The following ZNF324B variants were observed in gnomAD, a reference collection of about 807,000 sequenced individuals.
ZNF324B encodes zinc finger protein 324B.
Under a neutral mutation model 10.6 loss-of-function variants are expected in ZNF324B, and 7 were observed. That is an observed-to-expected ratio of 0.66 (90% CI 0.38 to 1.24). The LOEUF is 1.24. Among genes scored for constraint, ZNF324B ranks in the 50% most tolerant of loss-of-function variants. The probability of loss-of-function intolerance (pLI) is 0.02; values close to 1 mark genes in which losing one functional copy is unlikely to be tolerated. For synonymous variants in ZNF324B, 316 were observed against 321.0 expected, an observed-to-expected ratio of 0.98 and a Z score of 0.17; for missense variants, 640 against 764.7, an observed-to-expected ratio of 0.84 and a Z score of 1.92.
chr19:58,429,165 C>T, the ZNF324B span: 7 of 152,380 alleles, frequency 4.6e-5, no homozygotes, highest in East Asian at 3.9e-4. Flanking sequence ...GTTTGAGACA[C>T]TCAGTGCCCC....
chr19:58,422,198 T>C, the ZNF324B span, among the ~76,000 whole-genome samples: 1 of 152,182 alleles, frequency 6.6e-6, no homozygotes, highest in Non-Finnish European at 1.5e-5. Flanking sequence ...ATTACAGGCA[T>C]GAGCAGTTGA....
chr19:58,420,569 A>ATT, the ZNF324B span, among the ~76,000 whole-genome samples: 2 of 145,892 alleles, frequency 1.4e-5, no homozygotes, highest in Admixed American at 6.9e-5. Flanking sequence ...ATCTCTTTAA[A>ATT]TTTTTTTTTT....
chr19:58,450,184 G>C (rs77237478), upstream of ZNF324B, among the ~76,000 whole-genome samples: 1 of 152,034 alleles, frequency 6.6e-6, no homozygotes. Flanking sequence ...CATGTAAGAC[G>C]TGCCTTTCAC....
At position 58,456,195 on chromosome 19, in the gene ZNF324B, C is replaced by G. The variant is rs772569398; in HGVS notation, c.1251C>G (p.Arg417=). The part of the protein sequence containing the change: ...SQGSSLFLHQ[R]VHTGEKPFAC... ...GCTCCTCGCTCTTTTTGCACCAGCG[C>G]GTGCACACAGGCGAGAAGCCCTTCG... The change falls in exon 4 of 4, where the codon CGC becomes CGG. Residue 417 remains arginine, a synonymous_variant. Transcript: ENST00000336614. The surrounding 1 kb of genome is among the most constrained non-coding windows in gnomAD (Gnocchi z 4.7). The G allele has an allele frequency of 6.2e-7, 1 of 1,613,178 alleles. No homozygotes were observed. Among genetic ancestry groups the G allele is most frequent in the East Asian group, 2.2e-5 (1 of 44,858 alleles).
rs2122337297 is a variant in ZNF324B at position 58,451,662 on chromosome 19, G to A, written c.-49G>A. Reference sequence around the variant, plus strand: ...GCGTCAGGCCACACCGGTGGTCTGGGCTGTGGCGCGCGGGTCGGGGCCCGA... The same window carrying A: ...GCGTCAGGCCACACCGGTGGTCTGGACTGTGGCGCGCGGGTCGGGGCCCGA... On this transcript the variant is annotated 5_prime_UTR_variant, in exon 1 of 4. Coordinates refer to ENST00000336614, the MANE Select transcript of ZNF324B (RefSeq NM_207395.3). 1 of 508,860 alleles carries A rather than the reference G, an allele frequency of 2.0e-6. No individual in the cohort carries two copies. The highest frequency in any genetic ancestry group is 2.0e-5 in the African/African-American group (1 of 50,690). The allele number at this position is 508,860 out of a possible 1,614,324, so 31.5% of individuals were successfully genotyped here. A position where few individuals can be genotyped will look rare whatever the true frequency, so the allele number is the denominator to read the frequency against.
Position 58,456,292 on chromosome 19 carries a change from G to C in ZNF324B, c.1348G>C (p.Glu450Gln), listed in dbSNP as rs144863328. ...CCAGCACCAGCTCCTGCACACGGGC[G>C]AGCGGCCCTTCCGCTGCGTGGACTG... Reference protein sequence around the residue: ...LTQHQLLHTGERPFRCVDCGK... With the variant: ...LTQHQLLHTGQRPFRCVDCGK... The change falls in exon 4 of 4, where the codon GAG becomes CAG. Residue 450 changes from glutamate (E) to glutamine (Q), a missense_variant. Transcript: ENST00000336614. The surrounding 1 kb of genome is among the most constrained non-coding windows in gnomAD (Gnocchi z 4.7). The C allele has an allele frequency of 6.2e-7, 1 of 1,612,936 alleles. No individual in the cohort carries two copies. The highest frequency in any genetic ancestry group is 8.5e-7 in the Non-Finnish European group (1 of 1,179,858).
chr19:58,425,834 T>G, the ZNF324B span, among the ~76,000 whole-genome samples: 7 of 152,128 alleles, frequency 4.6e-5, no homozygotes, highest in African/African-American at 1.7e-4. Flanking sequence ...TAGGTAGGAT[T>G]TAGTAAGAAA....
chr19:58,456,686 G>A lies in ZNF324B; in HGVS notation c.*107G>A. Reference sequence around the variant, plus strand: ...CACGATGGGGAAAAGCTCTGTGCCTGAGAGTCAGGGACGAGGGAGACCCTT... The same window carrying A: ...CACGATGGGGAAAAGCTCTGTGCCTAAGAGTCAGGGACGAGGGAGACCCTT... On this transcript the variant is annotated 3_prime_UTR_variant, in exon 4 of 4. Transcript: ENST00000336614. This position sits in a 1 kb window ranked among gnomAD's most constrained non-coding sequence, Gnocchi z 4.7. The A allele has an allele frequency of 7.3e-7, 1 of 1,365,868 alleles. No homozygotes were observed. The highest frequency in any genetic ancestry group is 9.9e-7 in the Non-Finnish European group (1 of 1,012,684). The allele number at this position is 1,365,868 out of a possible 1,614,324, so 84.6% of individuals were successfully genotyped here. A position where few individuals can be genotyped will look rare whatever the true frequency, so the allele number is the denominator to read the frequency against.
At position 58,456,228 on chromosome 19, in the gene ZNF324B, C is replaced by CCA; in HGVS notation, c.1285_1286dup (p.Gln429HisfsTer112). 1 of 1,613,022 alleles carries CCA rather than the reference C, an allele frequency of 6.2e-7. No individual in the cohort carries two copies. Among genetic ancestry groups the CCA allele is most frequent in the Non-Finnish European group, 8.5e-7 (1 of 1,179,824 alleles). ...CAGGCGAGAAGCCCTTCGCCTGCGCCCAGTGCGGCCGCTCCTTTAGCCGCA... is the reference window on the plus strand; with the variant it reads ...CAGGCGAGAAGCCCTTCGCCTGCGCCCACAGTGCGGCCGCTCCTTTAGCCGCA... On this transcript the variant is annotated frameshift_variant, in exon 4 of 4. Transcript: ENST00000336614. LOFTEE classifies it low-confidence loss of function (END_TRUNC). The surrounding 1 kb of genome is among the most constrained non-coding windows in gnomAD (Gnocchi z 4.7).
chr19:58,447,336 G>T (rs2052832578), upstream of ZNF324B, among the ~76,000 whole-genome samples: 1 of 152,194 alleles, frequency 6.6e-6, no homozygotes, highest in Non-Finnish European at 1.5e-5. Flanking sequence ...GCTGCCCCAG[G>T]TGACCACCCT....
upstream of ZNF324B, chr19:58,451,512 C>A: frequency 2.3e-6 from 1 of 443,846 alleles, no homozygotes; most frequent in African/African-American, 2.1e-5. Context: ...GCCCCGCCTC[C>A]GCGCCGAAAA....
chr19:58,447,849 C>T (rs2052834818), upstream of ZNF324B, among the ~76,000 whole-genome samples: 1 of 152,194 alleles, frequency 6.6e-6, no homozygotes, highest in Admixed American at 6.5e-5. Flanking sequence ...GCAGTTTCCC[C>T]ACACTGTTCT....
the ZNF324B span, among the ~76,000 whole-genome samples, chr19:58,424,827 C>A: frequency 6.6e-6 from 1 of 152,046 alleles, no homozygotes; most frequent in Non-Finnish European, 1.5e-5. Flanking sequence ...CAAAACAAAA[C>A]AATTAAACAT....
Position 58,456,332 on chromosome 19 carries a change from C to G in ZNF324B, c.1388C>G (p.Ala463Gly). The G allele has an allele frequency of 6.2e-7, 1 of 1,612,576 alleles. No individual in the cohort carries two copies. The highest frequency in any genetic ancestry group is 1.1e-5 in the South Asian group (1 of 91,038). ...TGCGTGGACTGTGGCAAGGGTTTCG[C>G]CAAGGGCGCCGTGCTGCTCAGCCAC... is the stretch of plus-strand genomic sequence containing the variant. ...FRCVDCGKGF[A>G]KGAVLLSHRR... The change falls in exon 4 of 4, where the codon GCC becomes GGC. Residue 463 changes from alanine to glycine, a missense_variant. Coordinates refer to ENST00000336614, the MANE Select transcript of ZNF324B (RefSeq NM_207395.3). This position sits in a 1 kb window ranked among gnomAD's most constrained non-coding sequence, Gnocchi z 4.7.
At chr19:58,428,022 T>G in the ZNF324B span, among the ~76,000 whole-genome samples, 83,206 of 152,104 alleles carry the variant, frequency 0.55, 24,328 homozygotes, top group African/African-American at 0.77. Flanking sequence ...GTAGGGTAGG[T>G]ATCCCCCAGA....
chr19:58,424,813 A>G, the ZNF324B span, among the ~76,000 whole-genome samples: 1 of 152,130 alleles, frequency 6.6e-6, no homozygotes, highest in African/African-American at 2.4e-5. Context: ...AATAAAAACA[A>G]AAACAAAACA....
intron 1 of ZNF324B, chr19:58,453,299 G>A: frequency 3.7e-6 from 1 of 269,270 alleles, no homozygotes; most frequent in South Asian, 3.8e-5. Context: ...TCAGTGATGG[G>A]CATGCCTGGG....
the ZNF324B span, among the ~76,000 whole-genome samples, chr19:58,423,201 C>A: frequency 6.6e-6 from 1 of 151,966 alleles, no homozygotes; most frequent in African/African-American, 2.4e-5. Context: ...GCTCTGTCGC[C>A]CAGGCTGGAG....
the ZNF324B span, among the ~76,000 whole-genome samples, chr19:58,438,408 T>C: frequency 1.3e-5 from 2 of 151,886 alleles, no homozygotes; most frequent in Non-Finnish European, 2.9e-5. Context: ...AAAATCCAAC[T>C]CTTTATCTTC....
Sources: allele counts gnomAD v4.1 joint callset (sites outside exome capture counted in the v4.1 genomes callset), GRCh38; gene constraint gnomAD v4.1.1; non-coding constraint Gnocchi (gnomAD v3.1); transcripts MANE v1.5; gene names NCBI Gene and HGNC (gene_info 2026-07-23, HGNC 2026-07-21).